Variants in ARHGEF4 observed in about 807,000 individuals in gnomAD.
ARHGEF4 encodes Rho guanine nucleotide exchange factor 4.
ARHGEF4 carries 119 observed loss-of-function variants against 162.0 expected under a neutral mutation model. The observed-to-expected ratio is 0.73, with a 90% CI of 0.63 to 0.86. The LOEUF is 0.86. ARHGEF4 is among the 40% of genes least tolerant of loss of function. The pLI is 0.00. For missense variants in ARHGEF4, 2,488 were observed against 2,456.0 expected, an observed-to-expected ratio of 1.01 and a Z score of -0.28; for synonymous variants, 1,014 against 979.9, an observed-to-expected ratio of 1.03 and a Z score of -0.65.
intron 2 of ARHGEF4, 48 bp from the exon 3 acceptor site, chr2:130,930,904 A>G (rs1335944015): frequency 6.5e-7 from 1 of 1,538,942 alleles, no homozygotes; most frequent in African/African-American, 1.4e-5. Flanking sequence ...TTCCCAGTTG[A>G]TATGTCCTTT....
chr2:131,040,604 T>G (rs1304463867), intron 8 of ARHGEF4, among the ~76,000 whole-genome samples, 164 bp downstream of exon 8: 1 of 152,176 alleles, frequency 6.6e-6, no homozygotes, highest in Admixed American at 6.5e-5. Context: ...AGGACAGTTT[T>G]AGGATGGTCT....
At chr2:130,869,702 C>T (rs1266408875) in intron 1 of ARHGEF4, among the ~76,000 whole-genome samples, 4 of 152,236 alleles carry the variant, frequency 2.6e-5, no homozygotes, top group Non-Finnish European at 5.9e-5. Flanking sequence ...AGGCAGCAGT[C>T]ACGGGCAGCC....
At chr2:130,868,605 A>T (rs1202316169) in intron 1 of ARHGEF4, among the ~76,000 whole-genome samples, 1 of 152,168 alleles carries the variant, frequency 6.6e-6, no homozygotes, top group Non-Finnish European at 1.5e-5. Context: ...GAAAAGGCGA[A>T]ATCAGGGAGA....
At chr2:130,845,711 G>A (rs986525521) in intron 1 of ARHGEF4, among the ~76,000 whole-genome samples, 3 of 152,210 alleles carry the variant, frequency 2.0e-5, no homozygotes, top group Admixed American at 2.0e-4. Flanking sequence ...CTCTGTGTGA[G>A]GACTCAAGCT....
At chr2:131,004,127 A>G (rs972013533) in intron 4 of ARHGEF4, among the ~76,000 whole-genome samples, 4 of 152,212 alleles carry the variant, frequency 2.6e-5, no homozygotes, top group African/African-American at 7.2e-5. Flanking sequence ...CCATATGCCT[A>G]TGGAATCAAG....
chr2:130,900,778 T>C (rs1004902753), intron 1 of ARHGEF4, among the ~76,000 whole-genome samples: 1 of 152,198 alleles, frequency 6.6e-6, no homozygotes, highest in African/African-American at 2.4e-5. Context: ...ACATTCTGGA[T>C]CTTATGTTAA....
At chr2:130,856,803 TA>T (rs140947078) in intron 1 of ARHGEF4, among the ~76,000 whole-genome samples, 73 of 151,350 alleles carry the variant, frequency 4.8e-4, no homozygotes, top group African/African-American at 1.7e-3. Context: ...TAAAGTATAT[TA>T]AAAAAAAAGA....
intron 1 of ARHGEF4, among the ~76,000 whole-genome samples, chr2:130,873,243 C>T (rs938985217): frequency 2.0e-5 from 3 of 152,182 alleles, no homozygotes; most frequent in African/African-American, 7.2e-5. Context: ...ATAAGGCTGG[C>T]CTGTGGCAAA....
intron 2 of ARHGEF4, among the ~76,000 whole-genome samples, chr2:130,923,043 G>A (rs1681984857): frequency 6.6e-6 from 1 of 151,944 alleles, no homozygotes; most frequent in Non-Finnish European, 1.5e-5. Context: ...CAATTCTCCT[G>A]CCTCAGCCTC....
chr2:131,045,782 CT>C, intron 13 of ARHGEF4: 2 of 1,426,504 alleles, frequency 1.4e-6, no homozygotes, highest in Non-Finnish European at 1.8e-6. Context: ...AGCCATGCCC[CT>C]GAAACATCAC....
chr2:130,969,320 G>A (rs1367889083), intron 4 of ARHGEF4, among the ~76,000 whole-genome samples: 2 of 152,046 alleles, frequency 1.3e-5, no homozygotes, highest in African/African-American at 4.8e-5. Context: ...TATGTCAGCC[G>A]GGTGCGTTGG....
At chr2:130,951,683 AC>A (rs1683968156) in intron 4 of ARHGEF4, among the ~76,000 whole-genome samples, 1 of 151,862 alleles carries the variant, frequency 6.6e-6, no homozygotes, top group Non-Finnish European at 1.5e-5. Flanking sequence ...TGATTCTTTC[AC>A]TGTATTTTTT....
chr2:130,977,525 G>C (rs1417877045), intron 4 of ARHGEF4, among the ~76,000 whole-genome samples: 1 of 151,778 alleles, frequency 6.6e-6, no homozygotes, highest in Non-Finnish European at 1.5e-5. Context: ...TTGTGCATGT[G>C]TGGTATACAT....
chr2:130,988,001 C>T (rs376438206), intron 4 of ARHGEF4, among the ~76,000 whole-genome samples: 2 of 152,148 alleles, frequency 1.3e-5, no homozygotes, highest in East Asian at 1.9e-4. Flanking sequence ...GCAGACTTCT[C>T]ATCCGTAAAA....
At chr2:130,852,918 A>G (rs1209731949) in intron 1 of ARHGEF4, among the ~76,000 whole-genome samples, 1 of 152,204 alleles carries the variant, frequency 6.6e-6, no homozygotes, top group African/African-American at 2.4e-5. Flanking sequence ...GGAGCTCAGC[A>G]GCAGCCGGCT....
At chr2:130,890,685 A>C (rs915884950) in intron 1 of ARHGEF4, among the ~76,000 whole-genome samples, 5 of 152,004 alleles carry the variant, frequency 3.3e-5, no homozygotes, top group African/African-American at 1.2e-4. Flanking sequence ...AAAGCTATCT[A>C]TTGAGTTTCT....
At chr2:130,888,747 T>C (rs964860747) in intron 1 of ARHGEF4, among the ~76,000 whole-genome samples, 3 of 152,098 alleles carry the variant, frequency 2.0e-5, no homozygotes, top group Non-Finnish European at 2.9e-5. Flanking sequence ...ATATTCTGAA[T>C]GATTTCAATC....
intron 4 of ARHGEF4, among the ~76,000 whole-genome samples, chr2:131,008,777 A>G (rs1165684728): frequency 6.6e-6 from 1 of 152,166 alleles, no homozygotes; most frequent in Admixed American, 6.5e-5. Context: ...AGTAATATTT[A>G]CCACTTTATA....
chr2:131,028,059 G>A lies in ARHGEF4; in HGVS notation c.4100G>A (p.Gly1367Asp), dbSNP rs781758429. The A allele has an allele frequency of 1.2e-6, 2 of 1,614,020 alleles. No homozygotes were observed. Among genetic ancestry groups the A allele is most frequent in the Admixed American group, 3.3e-5 (2 of 60,022 alleles). The change falls in exon 5 of 14, where the codon GGT (glycine) becomes GAT (aspartate). Residue 1367 changes from glycine (G) to aspartate (D), a missense_variant. Physicochemically the swap from Gly to Asp is moderately conservative, Grantham distance 94. This residue lies in a region of ARHGEF4 where 1,642 missense variants were observed against 1,481.5 expected (regional missense o/e 1.11). Transcript: ENST00000409359. ...CACCACTACAGCCACCCTGGAGGGGGTGGGGAGCAGCTGGCTATCAATGAG... is the reference window on the plus strand; with the variant it reads ...CACCACTACAGCCACCCTGGAGGGGATGGGGAGCAGCTGGCTATCAATGAG... ...SSHHYSHPGG[G>D]GEQLAINELI...
Sources: gnomAD v4.1 joint callset for allele counts (sites outside exome capture counted in the v4.1 genomes callset) on GRCh38, gnomAD v4.1.1 for gene constraint, gnomAD v4.1.1 regional missense constraint, MANE v1.5 for transcripts, NCBI Gene and HGNC (gene_info 2026-07-23, HGNC 2026-07-21) for gene names.